Variants in WNT5B observed in about 807,000 individuals in gnomAD.
The protein encoded by WNT5B is Wnt family member 5B.
Under a neutral mutation model 36.5 loss-of-function variants are expected in WNT5B, and 18 were observed. The observed-to-expected ratio is 0.49, with a 90% CI of 0.34 to 0.73. The LOEUF is 0.73. Among genes scored for constraint, WNT5B ranks in the 30% least tolerant of loss-of-function variants. The probability of loss-of-function intolerance (pLI) is 0.01; values close to 1 mark genes in which losing one functional copy is unlikely to be tolerated. For synonymous variants in WNT5B, 213 were observed against 212.3 expected, an observed-to-expected ratio of 1.00 and a Z score of -0.03; for missense variants, 424 against 508.4, an observed-to-expected ratio of 0.83 and a Z score of 1.60.
chr12:1,643,356 G>C (rs2094578876), intron 4 of WNT5B, among the ~76,000 whole-genome samples: 1 of 152,160 alleles, frequency 6.6e-6, no homozygotes, highest in African/African-American at 2.4e-5. Flanking sequence ...ACAGATCGTA[G>C]AACTAAAACT....
At chr12:1,621,505 T>C (rs1056152230) in intron 1 of WNT5B, among the ~76,000 whole-genome samples, 4 of 152,170 alleles carry the variant, frequency 2.6e-5, no homozygotes, top group Admixed American at 2.0e-4. Flanking sequence ...TCCTGGGTAA[T>C]TGATGCTGAA....
At position 1,622,196 on chromosome 12, in the gene WNT5B, C is replaced by A. The variant is rs558056629; in HGVS notation, c.-58+5053C>A. On this transcript the variant is annotated intron_variant, in intron 1 of 4. Transcript: ENST00000310594. Reference sequence around the variant, plus strand: ...CGTGATCTCGGCTCACTGCAAGCTCCGCTTCCCGGGTTCACGCCATTCTCC... The same window carrying A: ...CGTGATCTCGGCTCACTGCAAGCTCAGCTTCCCGGGTTCACGCCATTCTCC... 6.6e-5 allele frequency among the ~76,000 whole-genome samples: 10 copies of A among 151,348 alleles called. No individual in the cohort carries two copies. In the South Asian group the frequency reaches 2.1e-3, roughly 32 times the overall value.
At chr12:1,638,158 A>G (rs1244526310) in intron 3 of WNT5B, among the ~76,000 whole-genome samples, 2 of 152,176 alleles carry the variant, frequency 1.3e-5, no homozygotes, top group Non-Finnish European at 2.9e-5. Context: ...AGACAGGAGA[A>G]TGGCGTGAAC....
At position 1,633,166 on chromosome 12, in the gene WNT5B, A is replaced by T. The variant is rs1218425866; in HGVS notation, c.328+261A>T. Among the ~76,000 whole-genome samples, 1 of 151,758 alleles carries T rather than the reference A, an allele frequency of 6.6e-6. No individual in the cohort carries two copies. ...GGCAGGTTGCTTGGGACTCACTGAG[A>T]GGGGGCAGGTTGCTTGGGACTCACT... On this transcript the variant is annotated intron_variant, in intron 3 of 4. Coordinates refer to ENST00000397196, the MANE Select transcript of WNT5B (RefSeq NM_032642.3). The surrounding 1 kb of genome is among the most constrained non-coding windows in gnomAD (Gnocchi z 4.8).
chr12:1,636,864 C>A (rs528978748), intron 3 of WNT5B, among the ~76,000 whole-genome samples: 5 of 151,864 alleles, frequency 3.3e-5, no homozygotes, highest in African/African-American at 1.2e-4. Flanking sequence ...TACAGGCGCC[C>A]GCCTGGCTAG....
Position 1,639,701 on chromosome 12 carries a change from T to G in WNT5B, c.346T>G (p.Phe116Val), listed in dbSNP as rs771360759. 1 of 1,574,446 alleles carries G rather than the reference T, an allele frequency of 6.4e-7. No individual in the cohort carries two copies. The change falls in exon 4 of 5, where the codon TTC (phenylalanine) becomes GTC (valine). Residue 116 changes from phenylalanine to valine, a missense_variant. By Grantham distance (50) the Phe-to-Val change is conservative (BLOSUM62 -1). Transcript: ENST00000397196. ...TTCTGCAGGCAGCCGAGAGACCGCC[T>G]TCACCCACGCGGTGAGCGCCGCGGG... ...VMQIGSRETA[F>V]THAVSAAGVV... is the part of the protein sequence containing the mutation.
chr12:1,628,908 T>TGGTGTGTGTGTTG (rs1422010153), upstream of WNT5B, among the ~76,000 whole-genome samples: 27 of 151,434 alleles, frequency 1.8e-4, no homozygotes, highest in Admixed American at 1.8e-3. Context: ...CTGAGGGGGC[T>TGGTGTGTGTGTTG]GGTGTGTGTG....
intron 3 of WNT5B, among the ~76,000 whole-genome samples, chr12:1,638,181 G>A (rs2094565864): frequency 6.6e-6 from 1 of 152,192 alleles, no homozygotes; most frequent in Non-Finnish European, 1.5e-5. Context: ...GTGAGGCGGA[G>A]CTTGCGGTGA....
intron 1 of WNT5B, among the ~76,000 whole-genome samples, chr12:1,617,503 G>A (rs2094528474): frequency 6.6e-6 from 1 of 151,896 alleles, no homozygotes; most frequent in Admixed American, 6.6e-5. Flanking sequence ...TGTGGCATGT[G>A]CCTGTAGTCT....
intron 3 of WNT5B, among the ~76,000 whole-genome samples, chr12:1,635,798 C>T (rs951364177): frequency 3.9e-5 from 6 of 152,230 alleles, no homozygotes; most frequent in Non-Finnish European, 2.9e-5. Flanking sequence ...CCCCGTAGAC[C>T]GGGTCCTGTC....
At chr12:1,623,468 T>G (rs938290952) in intron 1 of WNT5B, among the ~76,000 whole-genome samples, 49 of 152,226 alleles carry the variant, frequency 3.2e-4, no homozygotes, top group African/African-American at 1.0e-3. Flanking sequence ...GTGCTGGGAT[T>G]ACAGGCTTGA....
chr12:1,628,214 T>A (rs12307093), upstream of WNT5B, among the ~76,000 whole-genome samples: 33,745 of 151,424 alleles, frequency 0.22, 5,241 homozygotes, highest in African/African-American at 0.43. Context: ...GGAGTGCAGT[T>A]GTGCTATCTT....
chr12:1,639,610 G>T, intron 3 of WNT5B, 74 bp from the exon 4 acceptor site: 3 of 1,421,574 alleles, frequency 2.1e-6, no homozygotes, highest in Non-Finnish European at 2.7e-6. Flanking sequence ...GGGTCCGTCG[G>T]GGGAGACGGG....
Position 1,646,096 on chromosome 12 carries a change from G to T in WNT5B, c.924G>T (p.Ser308=). The T allele has an allele frequency of 6.2e-7, 1 of 1,613,996 alleles. No individual in the cohort carries two copies. ...GTQGRLCNKT[S]EGMDGCELMC... is the part of the protein sequence containing the mutation. ...AGGGCCGCCTCTGCAACAAGACCTCGGAGGGCATGGATGGCTGTGAGCTCA... is the reference window on the plus strand; with the variant it reads ...AGGGCCGCCTCTGCAACAAGACCTCTGAGGGCATGGATGGCTGTGAGCTCA... The change falls in exon 5 of 5, where the codon TCG becomes TCT. Residue 308 remains serine (S), a synonymous_variant. Coordinates refer to ENST00000397196, the MANE Select transcript of WNT5B (RefSeq NM_032642.3).
At chr12:1,622,181 G>A (rs1396554863) in intron 1 of WNT5B, among the ~76,000 whole-genome samples, 1 of 148,618 alleles carries the variant, frequency 6.7e-6, no homozygotes, top group Non-Finnish European at 1.5e-5. Flanking sequence ...CGTGATCTCG[G>A]CTCACTGCAA....
At chr12:1,624,422 A>G (rs2094538421), upstream of WNT5B, among the ~76,000 whole-genome samples, 1 of 149,336 alleles carries the variant, frequency 6.7e-6, no homozygotes, top group Admixed American at 6.6e-5. Flanking sequence ...AGAAGGTGTT[A>G]TGCTCTAGTG....
chr12:1,628,477 A>C (rs1418426781), upstream of WNT5B, among the ~76,000 whole-genome samples: 1 of 152,164 alleles, frequency 6.6e-6, no homozygotes, highest in Non-Finnish European at 1.5e-5. Flanking sequence ...CTTGCCTCTT[A>C]GGAAGGGGAA....
In WNT5B at chr12:1,639,705, C is replaced by G; in HGVS notation, c.350C>G (p.Thr117Ser). The G allele has an allele frequency of 6.3e-7, 1 of 1,579,582 alleles. No individual in the cohort carries two copies. The highest frequency in any genetic ancestry group is 8.6e-7 in the Non-Finnish European group (1 of 1,167,002). The change falls in exon 4 of 5, where the codon ACC becomes AGC. Residue 117 changes from threonine (T) to serine (S), a missense_variant. Thr to Ser is a moderately conservative substitution (Grantham distance 58). Transcript: ENST00000397196. ...MQIGSRETAF[T>S]HAVSAAGVVN... Reference sequence around the variant, plus strand: ...GCAGGCAGCCGAGAGACCGCCTTCACCCACGCGGTGAGCGCCGCGGGCGTG... The same window carrying G: ...GCAGGCAGCCGAGAGACCGCCTTCAGCCACGCGGTGAGCGCCGCGGGCGTG...
rs1415350400 is a variant in WNT5B, at chr12:1,630,173, C to G, written c.-58+802C>G. 1.8e-5 allele frequency: 18 copies of G among 985,232 alleles called. No individual in the cohort carries two copies. The highest frequency in any genetic ancestry group is 2.2e-5 in the Non-Finnish European group (18 of 829,970). The allele number at this position is 985,232 out of a possible 1,614,324, so 61.0% of individuals were successfully genotyped here. A position where few individuals can be genotyped will look rare whatever the true frequency, so the allele number is the denominator to read the frequency against. On this transcript the variant is annotated intron_variant, in intron 1 of 4. Transcript: ENST00000397196. This position sits in a 1 kb window ranked among gnomAD's most constrained non-coding sequence, Gnocchi z 5.3. Reference sequence around the variant, plus strand: ...CCCCCTCCCGGGGAGCCTGGGGACGCCGACGCGCGAGAGTGGCGCAGTGAG... The same window carrying G: ...CCCCCTCCCGGGGAGCCTGGGGACGGCGACGCGCGAGAGTGGCGCAGTGAG...
Sources: allele counts gnomAD v4.1 joint callset (sites outside exome capture counted in the v4.1 genomes callset), GRCh38; gene constraint gnomAD v4.1.1; non-coding constraint Gnocchi (gnomAD v3.1); transcripts MANE v1.5; gene names NCBI Gene and HGNC (gene_info 2026-07-23, HGNC 2026-07-21).